The following TASP1 variants were observed in gnomAD, a reference collection of about 807,000 sequenced individuals.
The protein encoded by TASP1 is threonine aspartase 1.
TASP1 carries 16 observed loss-of-function variants against 56.6 expected under a neutral mutation model. The observed-to-expected ratio is 0.28, with a 90% CI of 0.19 to 0.43. The LOEUF is 0.43. Ranked by LOEUF, TASP1 falls within the 20% of genes least tolerant of loss-of-function variation. The pLI, the probability that TASP1 is intolerant of heterozygous loss-of-function variation, is 1.00. For synonymous variants in TASP1, 179 were observed against 184.2 expected (o/e 0.97, Z 0.23); for missense variants, 393 against 511.6 (o/e 0.77, Z 2.24).
intron 13 of TASP1, among the ~76,000 whole-genome samples, chr20:13,392,482 A>G (rs1027748648): frequency 6.6e-6 from 1 of 152,194 alleles, no homozygotes; most frequent in Admixed American, 6.5e-5. Flanking sequence ...GCTTTGTTAC[A>G]TACATCTCAG....
At chr20:13,501,886 TAAAC>T (rs908573676) in intron 10 of TASP1, among the ~76,000 whole-genome samples, 4 of 151,994 alleles carry the variant, frequency 2.6e-5, no homozygotes, top group East Asian at 1.9e-4. Context: ...ATATTAATAT[TAAAC>T]AAAGTTACAT....
the TASP1 span, among the ~76,000 whole-genome samples, chr20:13,249,846 T>C: frequency 2.0e-5 from 3 of 152,052 alleles, no homozygotes; most frequent in East Asian, 1.9e-4. Context: ...TTTCCTGGCA[T>C]GTTCATTACA....
At chr20:13,128,921 A>G in the TASP1 span, among the ~76,000 whole-genome samples, 1 of 148,506 alleles carries the variant, frequency 6.7e-6, no homozygotes, top group African/African-American at 2.5e-5. Context: ...TTGTCACCCA[A>G]GCTGGAGTAC....
the TASP1 span, among the ~76,000 whole-genome samples, chr20:13,357,388 T>C: frequency 1.3e-5 from 2 of 152,150 alleles, no homozygotes; most frequent in Admixed American, 6.5e-5. Context: ...ATCAGATAAC[T>C]ATTTTGTTGC....
At chr20:13,263,862 A>T in the TASP1 span, among the ~76,000 whole-genome samples, 1 of 152,246 alleles carries the variant, frequency 6.6e-6, no homozygotes, top group African/African-American at 2.4e-5. Flanking sequence ...GGCTGTAGTG[A>T]CATTAATTAT....
At chr20:13,396,460 T>C (rs2041541990) in intron 13 of TASP1, among the ~76,000 whole-genome samples, 1 of 152,208 alleles carries the variant, frequency 6.6e-6, no homozygotes, top group South Asian at 2.1e-4. Context: ...TGAAAAGATC[T>C]GGGTGCCCAC....
the TASP1 span, chr20:13,160,239 T>C: frequency 7.3e-7 from 1 of 1,361,484 alleles, no homozygotes; most frequent in Non-Finnish European, 9.7e-7. Context: ...TTGGGTTATT[T>C]AGGAAAACAA....
chr20:13,267,871 CAAG>C, the TASP1 span, among the ~76,000 whole-genome samples: 2 of 152,178 alleles, frequency 1.3e-5, no homozygotes, highest in Non-Finnish European at 2.9e-5. Context: ...GCTTGATTTA[CAAG>C]AAGTACTAAA....
the TASP1 span, among the ~76,000 whole-genome samples, chr20:13,110,603 G>A: frequency 0.37 from 55,971 of 151,900 alleles, 10,777 homozygotes; most frequent in African/African-American, 0.48. Flanking sequence ...TGGGTGGCCC[G>A]GATGCCCCTA....
chr20:13,140,640 A>T, the TASP1 span, among the ~76,000 whole-genome samples: 1 of 147,218 alleles, frequency 6.8e-6, no homozygotes, highest in East Asian at 2.0e-4. Context: ...GCATATCTAC[A>T]GGATTAAAAA....
the TASP1 span, among the ~76,000 whole-genome samples, chr20:13,337,312 T>C: frequency 6.6e-6 from 1 of 152,202 alleles, no homozygotes; most frequent in African/African-American, 2.4e-5. Flanking sequence ...TTCAGTTTTT[T>C]AGACGCCGAG....
chr20:13,378,650 A>C, the TASP1 span, among the ~76,000 whole-genome samples: 135 of 152,216 alleles, frequency 8.9e-4, no homozygotes, highest in Non-Finnish European at 1.2e-3. Context: ...TGTCTCGTTG[A>C]TCTGTCTGAT....
chr20:13,550,003 A>C (rs991637089), intron 8 of TASP1, among the ~76,000 whole-genome samples: 1 of 152,094 alleles, frequency 6.6e-6, no homozygotes, highest in Non-Finnish European at 1.5e-5. Context: ...ATTTCATCTT[A>C]CTTATAACTT....
chr20:13,371,109 G>A, the TASP1 span, among the ~76,000 whole-genome samples: 2 of 151,738 alleles, frequency 1.3e-5, no homozygotes, highest in South Asian at 4.2e-4. Context: ...TGATCTTTTT[G>A]ACAAACCAAC....
Position 13,390,466 on chromosome 20 carries a change from G to C in TASP1, c.1171-14C>G, listed in dbSNP as rs999012882. On this transcript the variant is annotated splice_polypyrimidine_tract_variant and intron_variant, in intron 13 of 13. Transcript: ENST00000337743. ...TGAAATGTGAGTCTGCAGAGAGAGA[G>C]AGACAGCAGAGCATCAGAGGGGTCA... 21 of 1,611,626 alleles carry C rather than the reference G, an allele frequency of 1.3e-5. No homozygotes were observed. Among genetic ancestry groups the C allele is most frequent in the Non-Finnish European group, 1.8e-5 (21 of 1,178,586 alleles).
chr20:13,417,414 G>A lies in TASP1; in HGVS notation c.1170+34C>T, dbSNP rs754353187. 1.9e-6 allele frequency: 3 copies of A among 1,612,206 alleles called. No homozygotes were observed. In the East Asian group the frequency reaches 6.7e-5, roughly 36 times the overall value. On this transcript the variant is annotated intron_variant, in intron 13 of 13. Transcript: ENST00000337743. ...TTAGAGGTTTATGCGATGGCTACAA[G>A]GTTTTCAGGTTATGACCGTTTTTTC...
At chr20:13,118,867 GGCCCT>G in the TASP1 span, among the ~76,000 whole-genome samples, 1 of 152,228 alleles carries the variant, frequency 6.6e-6, no homozygotes, top group Non-Finnish European at 1.5e-5. Context: ...TCTGGCCACT[GGCCCT>G]GCCATGAAAT....
chr20:13,378,001 T>G, the TASP1 span, among the ~76,000 whole-genome samples: 25 of 152,322 alleles, frequency 1.6e-4, no homozygotes, highest in African/African-American at 6.0e-4. Flanking sequence ...TCTATATATT[T>G]TGTTAATTTT....
intron 11 of TASP1, among the ~76,000 whole-genome samples, chr20:13,474,458 C>T (rs1045047056): frequency 1.3e-5 from 2 of 152,178 alleles, no homozygotes; most frequent in Non-Finnish European, 2.9e-5. Context: ...CTGTAAAAGA[C>T]ATTATTTCAT....
Sources: allele counts gnomAD v4.1 joint callset (sites outside exome capture counted in the v4.1 genomes callset), GRCh38; gene constraint gnomAD v4.1.1; transcripts MANE v1.5; gene names NCBI Gene and HGNC (gene_info 2026-07-23, HGNC 2026-07-21).